The following MYO1E variants were observed in gnomAD, a reference collection of about 807,000 sequenced individuals.
MYO1E encodes the protein unconventional myosin-Ie.
In MYO1E, 68 loss-of-function variants were observed where a neutral mutation model predicts 151.1. The observed-to-expected ratio is 0.45, with a 90% CI of 0.37 to 0.55. The LOEUF (loss-of-function observed/expected upper bound fraction) is 0.55, where lower values mean the gene tolerates loss of function less well. Among genes scored for constraint, MYO1E ranks in the 20% least tolerant of loss-of-function variants. The pLI is 0.00. For synonymous variants in MYO1E, 601 were observed against 501.7 expected (o/e 1.20, Z -2.64); for missense variants, 1,363 against 1,389.3 (o/e 0.98, Z 0.30).
rs563138664 is a variant in MYO1E at position 59,240,927 on chromosome 15, C to G, written c.333-4255G>C. ...GGCCAGAATGAGATGTGGCTCCTGT[C>G]AGAGAAGAGCTCACTCACTGTCTTA... On this transcript the variant is annotated intron_variant, in intron 4 of 27. Coordinates refer to ENST00000288235, the MANE Select transcript of MYO1E (RefSeq NM_004998.4). Among the ~76,000 whole-genome samples the G allele has an allele frequency of 5.1e-4, 77 of 152,328 alleles. 1 individual carries two copies. The highest frequency in any genetic ancestry group is 4.6e-4 in the Admixed American group (7 of 15,304).
At chr15:59,293,327 C>T (rs2080430608) in intron 1 of MYO1E, among the ~76,000 whole-genome samples, 1 of 152,116 alleles carries the variant, frequency 6.6e-6, no homozygotes, top group Admixed American at 6.5e-5. Flanking sequence ...TGATTATTAA[C>T]TTGAGGTCAG....
intron 22 of MYO1E, among the ~76,000 whole-genome samples, chr15:59,169,580 G>C (rs1179278978): frequency 6.6e-6 from 1 of 151,618 alleles, no homozygotes; most frequent in Non-Finnish European, 1.5e-5. Flanking sequence ...TTTTTCCTTA[G>C]AGTCAGAAAA....
chr15:59,199,634 G>A, intron 16 of MYO1E, among the ~76,000 whole-genome samples: 1 of 152,034 alleles, frequency 6.6e-6, no homozygotes, highest in African/African-American at 2.4e-5. Flanking sequence ...TATAATAAGA[G>A]TTCCCATCAA....
At chr15:59,209,764 A>T (rs1399900980) in intron 13 of MYO1E, among the ~76,000 whole-genome samples, 1 of 150,346 alleles carries the variant, frequency 6.7e-6, no homozygotes, top group Non-Finnish European at 1.5e-5. Flanking sequence ...TTATATATAT[A>T]AAAAAATCCT....
chr15:59,208,548 C>T, intron 14 of MYO1E, 133 bp downstream of exon 14: 2 of 1,139,370 alleles, frequency 1.8e-6, no homozygotes, highest in Middle Eastern at 2.0e-4. Context: ...TGTTTTGCTT[C>T]CTTTGATAGT....
In MYO1E at chr15:59,195,508, G is replaced by A; in HGVS notation, c.1758C>T (p.Cys586=). Residue 586 remains cysteine, a synonymous_variant, in exon 17 of 28, where the codon TGC becomes TGT. Coordinates refer to ENST00000288235, the MANE Select transcript of MYO1E (RefSeq NM_004998.4). ...GCTTCTTGGTTTCGTTTGGCTTGATGCAGCGAATGTAGTGGGGCGTACATT... is the reference window on the plus strand; with the variant it reads ...GCTTCTTGGTTTCGTTTGGCTTGATACAGCGAATGTAGTGGGGCGTACATT... ...LMKCTPHYIR[C]IKPNETKKPR... is the part of the protein sequence containing the mutation. 1 of 1,614,162 alleles carries A rather than the reference G, an allele frequency of 6.2e-7. No individual in the cohort carries two copies. Among genetic ancestry groups the A allele is most frequent in the Non-Finnish European group, 8.5e-7 (1 of 1,180,020 alleles).
At chr15:59,306,052 C>A (rs527277449) in intron 1 of MYO1E, among the ~76,000 whole-genome samples, 7 of 152,128 alleles carry the variant, frequency 4.6e-5, no homozygotes, top group Non-Finnish European at 8.8e-5. Flanking sequence ...AAAACTCCCT[C>A]GTAATTACAG....
rs898726745 is a variant in MYO1E, at chr15:59,315,573, T to C, written c.4-43124A>G. ...TTAAAAAAAAAAAAAAAAAGTCTAGTTCTGATCTGCCAAGAAATAACACTG... is the reference window on the plus strand; with the variant it reads ...TTAAAAAAAAAAAAAAAAAGTCTAGCTCTGATCTGCCAAGAAATAACACTG... On this transcript the variant is annotated intron_variant, in intron 1 of 27. Transcript: ENST00000288235. Among the ~76,000 whole-genome samples the C allele has an allele frequency of 2.4e-4, 36 of 151,590 alleles. 3 individuals are homozygous for C. The highest frequency in any genetic ancestry group is 8.2e-4 in the African/African-American group (34 of 41,254).
chr15:59,267,041 T>A (rs1465009889), intron 2 of MYO1E: 2 of 146,214 alleles, frequency 1.4e-5, no homozygotes, highest in Non-Finnish European at 3.0e-5. Flanking sequence ...TTTTTTTTTT[T>A]TTTGAGGTGG....
In MYO1E at chr15:59,134,609, G is replaced by A. The variant is rs1482774208; in HGVS notation, c.*2771C>T. The A allele has an allele frequency of 1.3e-5, 2 of 152,230 alleles. No individual in the cohort carries two copies. The highest frequency in any genetic ancestry group is 4.8e-5 in the African/African-American group (2 of 41,438). 9.4% of individuals were successfully genotyped at this position (152,230 alleles called of 1,614,324 possible). A position where few individuals can be genotyped will look rare whatever the true frequency, so the allele number is the denominator to read the frequency against. On this transcript the variant is annotated 3_prime_UTR_variant, in exon 28 of 28. Transcript: ENST00000288235. ...GAACACCTCTACCCTAGGGTACACA[G>A]TCAGGCCTTCTCATTTAGTTCCTGG...
intron 15 of MYO1E, among the ~76,000 whole-genome samples, chr15:59,203,482 T>C (rs2079814737): frequency 6.6e-6 from 1 of 150,504 alleles, no homozygotes; most frequent in Admixed American, 6.6e-5. Flanking sequence ...CAGGTTCAAG[T>C]GATTCTCCTG....
intron 10 of MYO1E, among the ~76,000 whole-genome samples, chr15:59,217,519 C>T (rs1230498295): frequency 1.4e-3 from 76 of 53,170 alleles, no homozygotes; most frequent in Non-Finnish European, 1.7e-3. Context: ...GTCGTTTTAC[C>T]TTTTTTTTTT....
chr15:59,277,338 A>C (rs538284818), intron 1 of MYO1E, among the ~76,000 whole-genome samples: 1 of 152,252 alleles, frequency 6.6e-6, no homozygotes, highest in East Asian at 1.9e-4. Context: ...CAAGCTCAAG[A>C]GATCAAGACC....
chr15:59,303,507 T>C (rs1291233418), intron 1 of MYO1E, among the ~76,000 whole-genome samples: 1 of 151,842 alleles, frequency 6.6e-6, no homozygotes, highest in African/African-American at 2.4e-5. Flanking sequence ...CCAGCCTGGG[T>C]AATAAAGTGA....
intron 10 of MYO1E, among the ~76,000 whole-genome samples, chr15:59,215,987 G>A (rs1016393104): frequency 6.6e-6 from 1 of 152,098 alleles, no homozygotes; most frequent in African/African-American, 2.4e-5. Flanking sequence ...CTTCTGTTTA[G>A]TATGACCCTG....
At chr15:59,232,724 T>A (rs1428573149) in intron 5 of MYO1E, among the ~76,000 whole-genome samples, 2 of 152,144 alleles carry the variant, frequency 1.3e-5, no homozygotes, top group Non-Finnish European at 2.9e-5. Flanking sequence ...ATTGTCCTCA[T>A]AGGAAAACAG....
At chr15:59,164,646 C>G (rs573849009) in intron 22 of MYO1E, among the ~76,000 whole-genome samples, 16 of 152,340 alleles carry the variant, frequency 1.1e-4, no homozygotes, top group African/African-American at 3.4e-4. Context: ...TAGAAGGAAA[C>G]TCCTGTGGTA....
chr15:59,198,223 C>G (rs1214606159), intron 16 of MYO1E, among the ~76,000 whole-genome samples: 4 of 152,174 alleles, frequency 2.6e-5, no homozygotes, highest in African/African-American at 9.7e-5. Context: ...GAATTTAATC[C>G]TGATTCCAGC....
chr15:59,245,888 G>T (rs2080126706), intron 4 of MYO1E, among the ~76,000 whole-genome samples: 1 of 152,182 alleles, frequency 6.6e-6, no homozygotes, highest in East Asian at 1.9e-4. Flanking sequence ...AAGCTTGCCA[G>T]TTCTTCCTTT....
Sources: gnomAD v4.1 joint callset for allele counts (sites outside exome capture counted in the v4.1 genomes callset) on GRCh38, gnomAD v4.1.1 for gene constraint, MANE v1.5 for transcripts, NCBI Gene and HGNC (gene_info 2026-07-23, HGNC 2026-07-21) for gene names.